The following SLCO5A1 variants were observed in gnomAD, a reference collection of about 807,000 sequenced individuals.
SLCO5A1 encodes the protein solute carrier organic anion transporter family member 5A1.
SLCO5A1 carries 39 observed loss-of-function variants against 65.1 expected under a neutral mutation model. The ratio of observed to expected loss-of-function variants is 0.60; its 90% CI spans 0.46 to 0.78. The LOEUF (loss-of-function observed/expected upper bound fraction) is 0.78, where lower values mean the gene tolerates loss of function less well. Ranked by LOEUF, SLCO5A1 falls within the 30% of genes least tolerant of loss-of-function variation. The pLI is 0.00. For missense variants in SLCO5A1, 1,029 were observed against 1,069.4 expected (o/e 0.96, Z 0.53); for synonymous variants, 438 against 415.7 (o/e 1.05, Z -0.65).
At position 69,758,222 on chromosome 8, in the gene SLCO5A1, T is replaced by G. The variant is rs565684932; in HGVS notation, c.1041-2581A>C. On this transcript the variant is annotated intron_variant, in intron 3 of 9. Transcript: ENST00000260126. ...TTTCTTTAGAGACAGTGCCTCACTC[T>G]GTCACCCAGGCTGGAGTGCAGTGGC... is the stretch of plus-strand genomic sequence containing the variant. Among the ~76,000 whole-genome samples, 4 of 152,306 alleles carry G rather than the reference T, an allele frequency of 2.6e-5. No individual in the cohort carries two copies. In the East Asian group the frequency reaches 7.7e-4, roughly 29 times the overall value.
Position 69,668,848 on chromosome 8 carries a change from C to A in SLCO5A1, c.*4021G>T, listed in dbSNP as rs544560118. Reference sequence around the variant, plus strand: ...TCCAAGTGCATGCCACTAAAGGTAACAATGTCACAGCGACTAAAGGGAACA... The same window carrying A: ...TCCAAGTGCATGCCACTAAAGGTAAAAATGTCACAGCGACTAAAGGGAACA... On this transcript the variant is annotated 3_prime_UTR_variant, in exon 10 of 10. Coordinates refer to ENST00000260126, the MANE Select transcript of SLCO5A1 (RefSeq NM_030958.3). 58 of 152,184 alleles carry A rather than the reference C, an allele frequency of 3.8e-4. No homozygotes were observed. The highest frequency in any genetic ancestry group is 1.2e-3 in the African/African-American group (51 of 41,518). 9.4% of individuals were successfully genotyped at this position (152,184 alleles called of 1,614,324 possible).
intron 4 of SLCO5A1, among the ~76,000 whole-genome samples, chr8:69,746,856 T>C (rs762469067): frequency 6.6e-6 from 1 of 152,200 alleles, no homozygotes; most frequent in Non-Finnish European, 1.5e-5. Context: ...TTCTTAGAGA[T>C]AGCATTGGGC....
chr8:69,768,119 G>A (rs1818157660), intron 2 of SLCO5A1, among the ~76,000 whole-genome samples: 1 of 152,144 alleles, frequency 6.6e-6, no homozygotes, highest in South Asian at 2.1e-4. Context: ...TGTAGTCCCA[G>A]CTACTCGGGA....
At chr8:69,693,921 T>C (rs748340668) in intron 6 of SLCO5A1, among the ~76,000 whole-genome samples, 7 of 152,164 alleles carry the variant, frequency 4.6e-5, no homozygotes, top group Non-Finnish European at 8.8e-5. Flanking sequence ...CCCAGAAAAG[T>C]CAAATAATTT....
At chr8:69,776,526 CA>C (rs1440489798) in intron 2 of SLCO5A1, among the ~76,000 whole-genome samples, 1 of 151,956 alleles carries the variant, frequency 6.6e-6, no homozygotes, top group Non-Finnish European at 1.5e-5. Context: ...CCCATCTCTA[CA>C]AAAAATACAA....
At chr8:69,710,237 T>G (rs1394546825) in intron 5 of SLCO5A1, among the ~76,000 whole-genome samples, 2 of 152,114 alleles carry the variant, frequency 1.3e-5, no homozygotes, top group Non-Finnish European at 2.9e-5. Flanking sequence ...CAGGCTGTTC[T>G]CGAACTCCTG....
At chr8:69,680,874 CAG>C (rs1468098674) in intron 7 of SLCO5A1, among the ~76,000 whole-genome samples, 1 of 152,208 alleles carries the variant, frequency 6.6e-6, no homozygotes, top group Non-Finnish European at 1.5e-5. Context: ...TGGACTGTGA[CAG>C]AGTCAGACTA....
chr8:69,788,947 G>C (rs1819147965), intron 2 of SLCO5A1, among the ~76,000 whole-genome samples: 1 of 152,212 alleles, frequency 6.6e-6, no homozygotes, highest in African/African-American at 2.4e-5. Flanking sequence ...AATTTGGCAT[G>C]ATTCTGGAAT....
intron 8 of SLCO5A1, among the ~76,000 whole-genome samples, chr8:69,676,941 G>A (rs1237984420): frequency 6.6e-6 from 1 of 152,184 alleles, no homozygotes. Flanking sequence ...GCTTTTGGCT[G>A]AAGAAGCTGG....
chr8:69,744,612 G>A (rs1280513470), intron 4 of SLCO5A1, among the ~76,000 whole-genome samples: 1 of 152,170 alleles, frequency 6.6e-6, no homozygotes, highest in Non-Finnish European at 1.5e-5. Flanking sequence ...ATGACTGCAG[G>A]ACCTTGGGGT....
chr8:69,823,717 C>A (rs374411101), intron 2 of SLCO5A1, among the ~76,000 whole-genome samples: 11 of 152,088 alleles, frequency 7.2e-5, no homozygotes, highest in Non-Finnish European at 1.5e-4. Context: ...GACAGATCAA[C>A]GAGACAGAAA....
chr8:69,707,934 C>T (rs965655019), intron 5 of SLCO5A1, among the ~76,000 whole-genome samples: 10 of 152,108 alleles, frequency 6.6e-5, no homozygotes, highest in Non-Finnish European at 1.2e-4. Context: ...AATGCCCCAC[C>T]CAGTTGTGTC....
intron 8 of SLCO5A1, among the ~76,000 whole-genome samples, chr8:69,678,227 A>G (rs565466456): frequency 2.0e-5 from 3 of 152,278 alleles, no homozygotes; most frequent in African/African-American, 7.2e-5. Flanking sequence ...ATAATGAACA[A>G]ATTCTTAACA....
intron 4 of SLCO5A1, among the ~76,000 whole-genome samples, chr8:69,741,878 G>T (rs746072366): frequency 2.0e-5 from 3 of 152,218 alleles, no homozygotes; most frequent in Non-Finnish European, 4.4e-5. Flanking sequence ...ACTGATTTAG[G>T]TTGAAGGAGA....
intron 6 of SLCO5A1, among the ~76,000 whole-genome samples, chr8:69,703,066 G>A (rs1376255505): frequency 6.8e-6 from 1 of 147,004 alleles, no homozygotes; most frequent in African/African-American, 2.5e-5. Context: ...AGCCATGACT[G>A]CACCATTGCA....
chr8:69,749,224 C>T (rs1817168600), intron 4 of SLCO5A1, among the ~76,000 whole-genome samples: 1 of 152,216 alleles, frequency 6.6e-6, no homozygotes, highest in Non-Finnish European at 1.5e-5. Flanking sequence ...CCTTCTGCTT[C>T]TCTCAACTAG....
intron 6 of SLCO5A1, among the ~76,000 whole-genome samples, chr8:69,684,867 C>A (rs1434185871): frequency 1.3e-5 from 2 of 152,192 alleles, no homozygotes; most frequent in African/African-American, 4.8e-5. Context: ...GGAAGGCCCC[C>A]ACCACCTCCC....
chr8:69,819,187 G>T (rs1474657514), intron 2 of SLCO5A1, among the ~76,000 whole-genome samples: 1 of 152,002 alleles, frequency 6.6e-6, no homozygotes, highest in Non-Finnish European at 1.5e-5. Context: ...GAAGGAAGAA[G>T]GGGATTAATG....
intron 5 of SLCO5A1, among the ~76,000 whole-genome samples, chr8:69,707,441 C>T (rs1040548198): frequency 2.0e-5 from 3 of 151,850 alleles, no homozygotes; most frequent in East Asian, 3.9e-4. Flanking sequence ...CATGAAATAA[C>T]GAAATTGAGG....
Sources: gnomAD v4.1 joint callset for allele counts (sites outside exome capture counted in the v4.1 genomes callset) on GRCh38, gnomAD v4.1.1 for gene constraint, MANE v1.5 for transcripts, NCBI Gene and HGNC (gene_info 2026-07-23, HGNC 2026-07-21) for gene names.